Variants in C12orf42 observed in about 807,000 individuals in gnomAD.
C12orf42 encodes the protein chromosome 12 open reading frame 42.
A neutral mutation model predicts 21.6 loss-of-function variants in C12orf42; 25 were observed. The observed-to-expected ratio is 1.16, with a 90% confidence interval of 0.84 to 1.62. The LOEUF (loss-of-function observed/expected upper bound fraction) is 1.62. Ranked by LOEUF, C12orf42 falls within the 40% of genes most tolerant of loss-of-function variation. The pLI is 0.00. For synonymous variants in C12orf42, 174 were observed against 175.0 expected, an observed-to-expected ratio of 0.99 and a Z score of 0.05; for missense variants, 483 against 459.3, an observed-to-expected ratio of 1.05 and a Z score of -0.47.
intron 3 of C12orf42, among the ~76,000 whole-genome samples, chr12:103,395,336 CT>C (rs35914185): frequency 0.17 from 23,343 of 138,042 alleles, 1,658 homozygotes; most frequent in African/African-American, 0.27. Context: ...ACCCATTATT[CT>C]TTTTTTTTTT....
intron 4 of C12orf42, among the ~76,000 whole-genome samples, chr12:103,288,095 A>T (rs534605682): frequency 3.9e-5 from 6 of 152,328 alleles, no homozygotes; most frequent in Non-Finnish European, 8.8e-5. Context: ...AAGGCCCAAG[A>T]TAATGAGGAA....
intron 3 of C12orf42, among the ~76,000 whole-genome samples, chr12:103,392,058 C>T (rs2047127508): frequency 6.6e-6 from 1 of 152,056 alleles, no homozygotes; most frequent in South Asian, 2.1e-4. Context: ...ATCTAGTTTT[C>T]CCACAACAAT....
At chr12:103,077,498 A>G in the C12orf42 span, among the ~76,000 whole-genome samples, 1 of 152,188 alleles carries the variant, frequency 6.6e-6, no homozygotes, top group Non-Finnish European at 1.5e-5. Flanking sequence ...AAAATCACCT[A>G]ACAAGTAAAT....
At chr12:103,203,207 C>G in the C12orf42 span, among the ~76,000 whole-genome samples, 1 of 152,304 alleles carries the variant, frequency 6.6e-6, no homozygotes, top group South Asian at 2.1e-4. Context: ...GCCCTTCCCT[C>G]TGTGTCACTC....
the C12orf42 span, among the ~76,000 whole-genome samples, chr12:103,229,038 CA>C: frequency 6.6e-6 from 1 of 152,116 alleles, no homozygotes; most frequent in Non-Finnish European, 1.5e-5. Flanking sequence ...ATTAATTGCA[CA>C]CCTATTATAC....
In C12orf42 at chr12:103,283,815, A is replaced by G. The variant is rs570510782; in HGVS notation, n.338-6605T>C. ...TTCCATGAAACATAGTAGCTGCTCA[A>G]TAAATGTTTTGTAAATGATCGAATG... On this transcript the variant is annotated intron_variant and non_coding_transcript_variant, in intron 4 of 6. Coordinates refer to the C12orf42 transcript ENST00000546526. Among the ~76,000 whole-genome samples the G allele has an allele frequency of 9.2e-5, 14 of 152,330 alleles. No individual in the cohort carries two copies. The East Asian group carries it at 2.5e-3, about 27-fold the overall frequency.
the C12orf42 span, among the ~76,000 whole-genome samples, chr12:103,199,644 G>A: frequency 6.6e-6 from 1 of 151,978 alleles, no homozygotes; most frequent in Non-Finnish European, 1.5e-5. Context: ...TGTTAAAATA[G>A]GCAAAGAAAC....
In C12orf42 at chr12:103,261,381, C is replaced by T. The variant is rs1031475848; in HGVS notation, c.*1366+1945G>A. 4.6e-5 allele frequency among the ~76,000 whole-genome samples: 7 copies of T among 150,548 alleles called. No homozygotes were observed. In the Admixed American group the frequency reaches 4.7e-4, roughly 10 times the overall value. On this transcript the variant is annotated intron_variant and NMD_transcript_variant, in intron 10 of 10. Coordinates refer to the C12orf42 transcript ENST00000547347. ...CCTGTAGTCCCAGCTACTGGTGAGG[C>T]TAAGGCAGGAGGATCACCTGACCCA...
At chr12:103,386,651 T>C (rs1334251847) in intron 3 of C12orf42, among the ~76,000 whole-genome samples, 1 of 152,158 alleles carries the variant, frequency 6.6e-6, no homozygotes, top group Non-Finnish European at 1.5e-5. Context: ...TGATCCAAAA[T>C]ACAGCAACTG....
At chr12:103,238,516 G>A (rs1237980745) in intron 10 of C12orf42, among the ~76,000 whole-genome samples, 1 of 152,202 alleles carries the variant, frequency 6.6e-6, no homozygotes, top group Admixed American at 6.6e-5. Flanking sequence ...CACTGGACCA[G>A]AGAGCAGCTA....
At chr12:103,422,909 G>C (rs2050036755) in intron 2 of C12orf42, among the ~76,000 whole-genome samples, 1 of 151,692 alleles carries the variant, frequency 6.6e-6, no homozygotes, top group Non-Finnish European at 1.5e-5. Flanking sequence ...GATTATGTGG[G>C]TCACTGCATA....
rs142052093 is a variant in C12orf42, at chr12:103,400,343, TGAGATTG to T, written c.147+1257_147+1263del. ...TTGTCACCTGCACTACTCCTTGATGTGAGATTGGATCTGTGGTCCCCTTTCATGAAGT... is the reference window on the plus strand; with the variant it reads ...TTGTCACCTGCACTACTCCTTGATGTGATCTGTGGTCCCCTTTCATGAAGT... On this transcript the variant is annotated intron_variant, in intron 3 of 5. Coordinates refer to ENST00000548883, the MANE Select transcript of C12orf42 (RefSeq NM_198521.5). 7.2e-5 allele frequency among the ~76,000 whole-genome samples: 11 copies of T among 152,326 alleles called. No homozygotes were observed. The East Asian group carries it at 1.7e-3, about 24-fold the overall frequency.
At chr12:103,059,675 T>C in the C12orf42 span, among the ~76,000 whole-genome samples, 13 of 152,234 alleles carry the variant, frequency 8.5e-5, no homozygotes, top group African/African-American at 3.1e-4. Context: ...GTTCAACATA[T>C]GCAAATCAAT....
At chr12:103,330,081 G>A (rs967051884) in intron 4 of C12orf42, among the ~76,000 whole-genome samples, 1 of 152,056 alleles carries the variant, frequency 6.6e-6, no homozygotes, top group Admixed American at 6.6e-5. Flanking sequence ...AATATATGAA[G>A]TATTACATGA....
the C12orf42 span, among the ~76,000 whole-genome samples, chr12:103,137,319 A>T: frequency 6.6e-6 from 1 of 152,032 alleles, no homozygotes; most frequent in Non-Finnish European, 1.5e-5. Context: ...CCACAGCGAG[A>T]TATCATCCCA....
At chr12:103,559,802 T>C in the C12orf42 span, 1 of 152,190 alleles carries the variant, frequency 6.6e-6, no homozygotes, top group Non-Finnish European at 1.5e-5. Flanking sequence ...ATTAAATAAA[T>C]GAATTATAAA....
intron 1 of C12orf42, among the ~76,000 whole-genome samples, chr12:103,481,671 G>T (rs569564617): frequency 1.3e-5 from 2 of 150,356 alleles, no homozygotes; most frequent in African/African-American, 4.9e-5. Context: ...AAAAAATACC[G>T]TCTGACAACC....
chr12:103,423,116 C>A (rs2139160267), intron 2 of C12orf42, among the ~76,000 whole-genome samples: 1 of 152,306 alleles, frequency 6.6e-6, no homozygotes, highest in South Asian at 2.1e-4. Flanking sequence ...GAAGGAGTGA[C>A]CCCCATGGGT....
intron 2 of C12orf42, among the ~76,000 whole-genome samples, chr12:103,415,136 A>G (rs1345882080): frequency 1.3e-5 from 2 of 148,198 alleles, no homozygotes; most frequent in Non-Finnish European, 3.0e-5. Context: ...TTATATTAGG[A>G]AAAAAAAAAT....
Sources: allele counts gnomAD v4.1 joint callset (sites outside exome capture counted in the v4.1 genomes callset), GRCh38; gene constraint gnomAD v4.1.1; transcripts MANE v1.5; gene names NCBI Gene and HGNC (gene_info 2026-07-23, HGNC 2026-07-21).